Variants in LRTM3 observed in about 807,000 individuals in gnomAD.
LRTM3 encodes the protein leucine rich repeat transmembrane protein 3, also known as leucine-rich repeat transmembrane protein 3.
chr13:102,745,311 G>T, the LRTM3 span: 1 of 1,550,534 alleles, frequency 6.4e-7, no homozygotes, highest in African/African-American at 1.4e-5. Flanking sequence ...CTATCTTCAT[G>T]TGGAGATGTA....
At chr13:102,735,227 G>C in the LRTM3 span, 58 of 1,551,072 alleles carry the variant, frequency 3.7e-5, 1 homozygote, top group South Asian at 6.8e-4. Context: ...CATTTTGTTG[G>C]GATCCAGTAC....
chr13:102,755,532 A>C, the LRTM3 span, among the ~76,000 whole-genome samples: 8 of 152,290 alleles, frequency 5.3e-5, no homozygotes, highest in Non-Finnish European at 8.8e-5. Context: ...CACCATTCTC[A>C]GCAAACTAAC....
the LRTM3 span, chr13:102,746,404 A>G: frequency 1.3e-6 from 2 of 1,551,072 alleles, no homozygotes; most frequent in Non-Finnish European, 1.7e-6. Flanking sequence ...GCTTTAATTG[A>G]GACGCAGGGA....
chr13:102,730,614 G>A, the LRTM3 span: 1 of 1,552,092 alleles, frequency 6.4e-7, no homozygotes, highest in Non-Finnish European at 8.7e-7. Context: ...AGGGTTGGCT[G>A]TGGGAATTTT....
chr13:102,749,386 C>T, the LRTM3 span: 2 of 1,551,344 alleles, frequency 1.3e-6, no homozygotes, highest in South Asian at 2.4e-5. Context: ...TTAGTTGTGG[C>T]ATATCTTCAG....
chr13:102,752,161 C>T, the LRTM3 span, among the ~76,000 whole-genome samples: 1 of 152,246 alleles, frequency 6.6e-6, no homozygotes, highest in African/African-American at 2.4e-5. Context: ...TTTTCATGTC[C>T]CCTGCTTCAC....
chr13:102,736,326 T>C, the LRTM3 span: 1 of 1,551,130 alleles, frequency 6.4e-7, no homozygotes, highest in Non-Finnish European at 8.7e-7. Flanking sequence ...CTGTGCTCAG[T>C]GATGCTGAAC....
the LRTM3 span, among the ~76,000 whole-genome samples, chr13:102,757,720 G>T: frequency 2.0e-5 from 3 of 152,206 alleles, no homozygotes; most frequent in Non-Finnish European, 4.4e-5. Context: ...AATGCCCTAG[G>T]CTGGCTTAGG....
the LRTM3 span, chr13:102,748,275 C>T: frequency 1.3e-6 from 2 of 1,550,952 alleles, no homozygotes; most frequent in Non-Finnish European, 1.7e-6. Context: ...TCTTCTGTAA[C>T]ATTAAGTATC....
At chr13:102,750,379 G>T in the LRTM3 span, 1 of 1,484,810 alleles carries the variant, frequency 6.7e-7, no homozygotes, top group South Asian at 1.3e-5. Context: ...TTTCTAAAAA[G>T]GTGCCAACTC....
chr13:102,744,691 A>G, the LRTM3 span: 5 of 1,550,780 alleles, frequency 3.2e-6, no homozygotes, highest in South Asian at 6.0e-5. Context: ...GGAGGTGTTG[A>G]CTATAGCATG....
At chr13:102,745,464 C>G in the LRTM3 span, 2 of 1,550,910 alleles carry the variant, frequency 1.3e-6, no homozygotes, top group Non-Finnish European at 1.7e-6. Flanking sequence ...TGATGCAGTT[C>G]TTTCATTTTG....
the LRTM3 span, chr13:102,748,379 G>A: frequency 0.8 from 1,233,471 of 1,550,730 alleles, 493,297 homozygotes; most frequent in South Asian, 0.86. Flanking sequence ...TTTGCTTCCT[G>A]GGGAAATGAG....
the LRTM3 span, chr13:102,744,005 C>T: frequency 1.3e-6 from 2 of 1,550,236 alleles, no homozygotes; most frequent in South Asian, 1.2e-5. Context: ...TAGAATGCAC[C>T]TCGCTGCTGT....
chr13:102,744,316 T>G, the LRTM3 span: 8 of 1,550,342 alleles, frequency 5.2e-6, no homozygotes, highest in African/African-American at 1.1e-4. Context: ...TGGAGAAATC[T>G]AAAGGTTTTA....
chr13:102,731,737 C>T, the LRTM3 span: 48 of 1,551,274 alleles, frequency 3.1e-5, no homozygotes, highest in East Asian at 4.2e-4. Context: ...TAACTTGAGG[C>T]GGTATGGGCA....
chr13:102,753,717 T>C, the LRTM3 span, among the ~76,000 whole-genome samples: 4 of 152,210 alleles, frequency 2.6e-5, no homozygotes, highest in Non-Finnish European at 5.9e-5. Context: ...ACATCTTTGT[T>C]ATCTGCCCAT....
At chr13:102,737,978 A>G in the LRTM3 span, 14 of 1,550,732 alleles carry the variant, frequency 9.0e-6, no homozygotes, top group Non-Finnish European at 1.2e-5. Context: ...TTGCTCTTCA[A>G]CTTCGTGATC....
At chr13:102,742,003 C>A in the LRTM3 span, 1 of 1,550,556 alleles carries the variant, frequency 6.4e-7, no homozygotes, top group Non-Finnish European at 8.7e-7. Context: ...TACAACCTGA[C>A]AATGACCTTT....
Sources: allele counts gnomAD v4.1 joint callset (sites outside exome capture counted in the v4.1 genomes callset), GRCh38; gene constraint gnomAD v4.1.1; transcripts MANE v1.5; gene names NCBI Gene and HGNC (gene_info 2026-07-23, HGNC 2026-07-21).